The following ESRRG variants were observed in gnomAD, a reference collection of about 807,000 sequenced individuals.
The protein encoded by ESRRG is estrogen-related receptor gamma.
Under a neutral mutation model 44.0 loss-of-function variants are expected in ESRRG, and 13 were observed. The observed-to-expected ratio is 0.30, with a 90% CI of 0.19 to 0.47. The LOEUF is 0.47. Ranked by LOEUF, ESRRG falls within the 20% of genes least tolerant of loss-of-function variation. The probability of loss-of-function intolerance (pLI) is 1.00; values close to 1 mark genes in which losing one functional copy is unlikely to be tolerated. For synonymous variants in ESRRG, 215 were observed against 214.6 expected (o/e 1.00, Z -0.02); for missense variants, 395 against 580.6 (o/e 0.68, Z 3.29).
chr1:216,910,151 C>T (rs1019951321), intron 2 of ESRRG, among the ~76,000 whole-genome samples: 18 of 151,718 alleles, frequency 1.2e-4, no homozygotes, highest in African/African-American at 4.4e-4. Flanking sequence ...TAATAAAATA[C>T]TAAAAACCAT....
At chr1:216,840,230 C>CT (rs56690949) in intron 2 of ESRRG, among the ~76,000 whole-genome samples, 5,108 of 152,240 alleles carry the variant, frequency 0.034, 300 homozygotes, top group African/African-American at 0.11. Flanking sequence ...AAATGAGCAC[C>CT]TGCTGCTTCA....
intron 2 of ESRRG, among the ~76,000 whole-genome samples, chr1:216,851,024 T>C (rs1403232414): frequency 6.7e-6 from 1 of 149,862 alleles, no homozygotes; most frequent in Non-Finnish European, 1.5e-5. Flanking sequence ...TGTTTAGATG[T>C]GTAGACTCCT....
At chr1:216,977,883 A>G (rs2789577) in intron 1 of ESRRG, among the ~76,000 whole-genome samples, 73,626 of 151,800 alleles carry the variant, frequency 0.49, 19,623 homozygotes, top group East Asian at 0.73. Context: ...TCTCAGGAGC[A>G]GATTCCTGAT....
chr1:216,639,620 C>T (rs1857412), intron 3 of ESRRG, among the ~76,000 whole-genome samples: 36,207 of 151,990 alleles, frequency 0.24, 4,456 homozygotes, highest in East Asian at 0.39. Context: ...CTTAAATTTC[C>T]CATATCCCCA....
chr1:217,097,600 G>A (rs771928558), intron 1 of ESRRG, among the ~76,000 whole-genome samples: 1 of 152,140 alleles, frequency 6.6e-6, no homozygotes, highest in Non-Finnish European at 1.5e-5. Flanking sequence ...CTCATTGATT[G>A]TGTATTTCAC....
intron 2 of ESRRG, among the ~76,000 whole-genome samples, chr1:216,662,313 C>T (rs1223816889): frequency 6.6e-6 from 1 of 152,026 alleles, no homozygotes; most frequent in African/African-American, 2.4e-5. Flanking sequence ...AAAGGCACTT[C>T]GTGAGAAGCA....
intron 1 of ESRRG, among the ~76,000 whole-genome samples, chr1:216,706,406 C>A (rs1038413178): frequency 3.3e-5 from 5 of 152,116 alleles, no homozygotes; most frequent in Admixed American, 3.3e-4. Flanking sequence ...AAGATAAAAA[C>A]CATATGTTTA....
intron 3 of ESRRG, among the ~76,000 whole-genome samples, chr1:216,632,596 A>T (rs2064429222): frequency 6.6e-6 from 1 of 152,222 alleles, no homozygotes; most frequent in South Asian, 2.1e-4. Context: ...AATAGAGATT[A>T]TCCTGGGTAT....
chr1:216,631,803 T>C (rs908646527), intron 3 of ESRRG, among the ~76,000 whole-genome samples: 1 of 152,130 alleles, frequency 6.6e-6, no homozygotes, highest in African/African-American at 2.4e-5. Context: ...TTGTGAATAC[T>C]AGTGTCTCAG....
chr1:216,545,843 A>G (rs1209892129), intron 5 of ESRRG, among the ~76,000 whole-genome samples: 1 of 152,048 alleles, frequency 6.6e-6, no homozygotes, highest in Non-Finnish European at 1.5e-5. Context: ...TTAAATACCA[A>G]AGATAAAATG....
chr1:216,672,696 C>T (rs1051568128), intron 2 of ESRRG, among the ~76,000 whole-genome samples: 4 of 151,722 alleles, frequency 2.6e-5, no homozygotes, highest in Non-Finnish European at 4.4e-5. Flanking sequence ...AGGGAGATCC[C>T]GTCTCTACAA....
intron 2 of ESRRG, among the ~76,000 whole-genome samples, chr1:216,918,487 T>G (rs1175978417): frequency 6.6e-6 from 1 of 152,188 alleles, no homozygotes; most frequent in Admixed American, 6.6e-5. Context: ...TAATTCTAGA[T>G]AGTGCAAGCT....
intron 5 of ESRRG, among the ~76,000 whole-genome samples, chr1:216,540,355 A>G (rs1156542373): frequency 6.6e-6 from 1 of 152,028 alleles, no homozygotes; most frequent in Non-Finnish European, 1.5e-5. Flanking sequence ...ACTAAAATGT[A>G]AAATATCAGA....
chr1:216,665,736 T>C (rs1414115356), intron 2 of ESRRG, among the ~76,000 whole-genome samples: 1 of 152,172 alleles, frequency 6.6e-6, no homozygotes, highest in Non-Finnish European at 1.5e-5. Flanking sequence ...TTCTTTTAAA[T>C]ACAAACAGAT....
chr1:216,969,474 C>T (rs925209019), intron 1 of ESRRG, among the ~76,000 whole-genome samples: 7 of 151,972 alleles, frequency 4.6e-5, no homozygotes, highest in African/African-American at 1.7e-4. Context: ...CTGACCACAA[C>T]CCATGATCTA....
chr1:216,629,434 C>T (rs2063739530), intron 3 of ESRRG, among the ~76,000 whole-genome samples: 1 of 152,068 alleles, frequency 6.6e-6, no homozygotes, highest in African/African-American at 2.4e-5. Flanking sequence ...AAATTTAAGA[C>T]ATAGTTAGCA....
intron 2 of ESRRG, among the ~76,000 whole-genome samples, chr1:216,740,025 C>A (rs2090466884): frequency 1.3e-5 from 2 of 152,172 alleles, no homozygotes; most frequent in Non-Finnish European, 2.9e-5. Flanking sequence ...GCTATGTTAG[C>A]CCCTTTGCTG....
intron 1 of ESRRG, chr1:216,985,887 G>A (rs2074782866): frequency 6.6e-6 from 1 of 152,182 alleles, no homozygotes; most frequent in Admixed American, 6.5e-5. Context: ...ATGTATACCA[G>A]TCCTTGGGAA....
chr1:216,533,602 G>T lies in ESRRG; in HGVS notation c.863-14181C>A, dbSNP rs935975270. On this transcript the variant is annotated intron_variant, in intron 5 of 6. Transcript: ENST00000408911. ...TGGGGAGTTCTAGAGATCCTTAGCT[G>T]CCTCTTTTACTCCCATTCTTTTTAA... Among the ~76,000 whole-genome samples, 7 of 152,168 alleles carry T rather than the reference G, an allele frequency of 4.6e-5. No individual in the cohort carries two copies. In the East Asian group the frequency reaches 1.4e-3, roughly 30 times the overall value.
Sources: gnomAD v4.1 joint callset for allele counts (sites outside exome capture counted in the v4.1 genomes callset) on GRCh38, gnomAD v4.1.1 for gene constraint, MANE v1.5 for transcripts, NCBI Gene and HGNC (gene_info 2026-07-23, HGNC 2026-07-21) for gene names.